The following ZMYND11 variants were observed in gnomAD, a reference collection of about 807,000 sequenced individuals.
ZMYND11 encodes the protein zinc finger MYND-type containing 11.
In ZMYND11, 9 loss-of-function variants were observed where a neutral mutation model predicts 84.9. That is an observed-to-expected ratio of 0.11 (90% CI 0.06 to 0.18). The LOEUF is 0.18. Among genes scored for constraint, ZMYND11 ranks in the 10% least tolerant of loss-of-function variants. ZMYND11 has a pLI of 1.00. For synonymous variants in ZMYND11, 250 were observed against 244.1 expected, an observed-to-expected ratio of 1.02 and a Z score of -0.23; for missense variants, 409 against 761.0, an observed-to-expected ratio of 0.54 and a Z score of 5.44.
chr10:173,035 G>GAAA (rs1218973523), intron 1 of ZMYND11, among the ~76,000 whole-genome samples: 13 of 125,786 alleles, frequency 1.0e-4, no homozygotes, highest in South Asian at 7.4e-4. Flanking sequence ...TCCACTTTCA[G>GAAA]AAAAAAAAAA....
chr10:139,739 T>G (rs1224295646), intron 1 of ZMYND11, among the ~76,000 whole-genome samples: 1 of 111,002 alleles, frequency 9.0e-6, no homozygotes. Context: ...GGAGATAGGG[T>G]CTTGCTCTGT....
intron 10 of ZMYND11, among the ~76,000 whole-genome samples, chr10:246,104 GAAGC>G (rs1210412502): frequency 2.1e-4 from 32 of 152,210 alleles, no homozygotes; most frequent in Non-Finnish European, 4.4e-4. Context: ...CTTTCCAACA[GAAGC>G]AAATGTAGTT....
intron 3 of ZMYND11, among the ~76,000 whole-genome samples, chr10:213,377 A>G (rs925109313): frequency 1.3e-5 from 2 of 152,298 alleles, no homozygotes; most frequent in East Asian, 1.9e-4. Context: ...CACCTTATAT[A>G]TAGGATGAAT....
Position 249,874 on chromosome 10 carries a change from G to A in ZMYND11, c.1686+786G>A, listed in dbSNP as rs180972932. On this transcript the variant is annotated intron_variant, in intron 14 of 14. Transcript: ENST00000381604. Reference sequence around the variant, plus strand: ...GAAATATTTTTAAATCTGTGACAAAGATTTGGCAAGAAGGAAAATGGAAAC... The same window carrying A: ...GAAATATTTTTAAATCTGTGACAAAAATTTGGCAAGAAGGAAAATGGAAAC... 6.5e-4 allele frequency: 496 copies of A among 767,690 alleles called. 1 individual carries two copies. The African/African-American group carries it at 8.8e-3, about 14-fold the overall frequency. 47.6% of individuals were successfully genotyped at this position (767,690 alleles called of 1,614,324 possible).
intron 9 of ZMYND11, 90 bp downstream of exon 9, chr10:241,060 A>G: frequency 9.8e-7 from 1 of 1,023,346 alleles, no homozygotes; most frequent in Non-Finnish European, 1.4e-6. Context: ...TTCTTCCTAA[A>G]TTTTTAAAAT....
chr10:233,007 C>CT (rs1439604977), intron 4 of ZMYND11, among the ~76,000 whole-genome samples: 1 of 152,204 alleles, frequency 6.6e-6, no homozygotes, highest in Non-Finnish European at 1.5e-5. Flanking sequence ...AGAACACCAG[C>CT]AAAGGTTAGA....
chr10:210,140 G>A, intron 3 of ZMYND11, 92 bp downstream of exon 3: 1 of 1,367,920 alleles, frequency 7.3e-7, no homozygotes, highest in Non-Finnish European at 1.0e-6. Context: ...ATTTTCAGAA[G>A]TTTAATATTT....
At position 179,205 on chromosome 10, in the gene ZMYND11, C is replaced by T. The variant is rs148358640; in HGVS notation, c.-19-789C>T. On this transcript the variant is annotated intron_variant, in intron 1 of 14. Coordinates refer to ENST00000381604, the MANE Select transcript of ZMYND11 (RefSeq NM_001370100.5). ...CTCCATGCTGAGTTAAGAGAATCCT[C>T]TCTGTGATACCACTGCTCTCCGGAC... 2.5e-4 allele frequency among the ~76,000 whole-genome samples: 38 copies of T among 152,306 alleles called. 1 individual carries two copies. Among genetic ancestry groups the T allele is most frequent in the African/African-American group, 8.4e-4 (35 of 41,560 alleles).
chr10:200,318 C>CT (rs1554774504), intron 2 of ZMYND11, among the ~76,000 whole-genome samples: 2 of 142,466 alleles, frequency 1.4e-5, no homozygotes, highest in Non-Finnish European at 3.0e-5. Context: ...TAATATATAA[C>CT]ATATAATATG....
intron 2 of ZMYND11, among the ~76,000 whole-genome samples, chr10:207,712 C>T (rs1944437406): frequency 6.6e-6 from 1 of 152,110 alleles, no homozygotes; most frequent in Admixed American, 6.5e-5. Context: ...GTGAAAATGG[C>T]CATACTGCCC....
intron 1 of ZMYND11, among the ~76,000 whole-genome samples, chr10:160,385 G>A (rs1554761359): frequency 2.0e-5 from 3 of 152,164 alleles, no homozygotes; most frequent in Non-Finnish European, 4.4e-5. Context: ...TGGTCTTTTT[G>A]CTGGTGGAGG....
At chr10:151,582 C>T (rs1840385488) in intron 1 of ZMYND11, among the ~76,000 whole-genome samples, 2 of 152,088 alleles carry the variant, frequency 1.3e-5, no homozygotes, top group African/African-American at 4.8e-5. Flanking sequence ...ACCAAATCTA[C>T]GTCTGATTGG....
intron 1 of ZMYND11, among the ~76,000 whole-genome samples, chr10:162,120 C>A (rs547078031): frequency 6.6e-6 from 1 of 152,178 alleles, no homozygotes; most frequent in South Asian, 2.1e-4. Context: ...ATTAATGCGC[C>A]GGATTTCATT....
chr10:225,101 C>T (rs183202388), intron 4 of ZMYND11, among the ~76,000 whole-genome samples: 1 of 152,010 alleles, frequency 6.6e-6, no homozygotes. Context: ...CAATATAGTC[C>T]ATTGCATTTT....
chr10:177,586 A>G (rs1482248701), intron 1 of ZMYND11, among the ~76,000 whole-genome samples: 1 of 152,166 alleles, frequency 6.6e-6, no homozygotes, highest in Non-Finnish European at 1.5e-5. Context: ...GTTATGTTAT[A>G]TAAATAGTTA....
At chr10:248,876 G>A (rs375987431) in intron 13 of ZMYND11, 27 bp from the exon 14 acceptor site, 40 of 1,585,124 alleles carry the variant, frequency 2.5e-5, no homozygotes, top group South Asian at 1.4e-4. Flanking sequence ...GTGTGCTGAC[G>A]CACTGTGGGT....
At chr10:201,557 TAAA>T (rs1032826059) in intron 2 of ZMYND11, among the ~76,000 whole-genome samples, 8 of 129,300 alleles carry the variant, frequency 6.2e-5, no homozygotes, top group Admixed American at 2.6e-4. Context: ...GTAAAAATGT[TAAA>T]TAATCAGTGG....
intron 1 of ZMYND11, among the ~76,000 whole-genome samples, chr10:179,168 A>G (rs145162185): frequency 2.0e-5 from 3 of 152,160 alleles, no homozygotes; most frequent in South Asian, 4.1e-4. Context: ...CCAGATTCCT[A>G]CAAGCACGTC....
intron 1 of ZMYND11, among the ~76,000 whole-genome samples, chr10:174,771 A>C (rs1282780485): frequency 6.6e-6 from 1 of 151,896 alleles, no homozygotes; most frequent in Non-Finnish European, 1.5e-5. Flanking sequence ...CTACAGTGGC[A>C]CATGCTTGTC....
Sources: allele counts gnomAD v4.1 joint callset (sites outside exome capture counted in the v4.1 genomes callset), GRCh38; gene constraint gnomAD v4.1.1; transcripts MANE v1.5; gene names NCBI Gene and HGNC (gene_info 2026-07-23, HGNC 2026-07-21).